NLGN2: variants seen among roughly 807,000 people sequenced by gnomAD.
NLGN2 encodes the protein neuroligin 2.
Under a neutral mutation model 48.6 loss-of-function variants are expected in NLGN2, and 11 were observed. The observed-to-expected ratio is 0.23, with a 90% CI of 0.14 to 0.37. The LOEUF (loss-of-function observed/expected upper bound fraction) is 0.37. NLGN2 is among the 10% of genes least tolerant of loss of function. The pLI is 1.00. For synonymous variants in NLGN2, 548 were observed against 550.0 expected, an observed-to-expected ratio of 1.00 and a Z score of 0.05; for missense variants, 801 against 1,225.2, an observed-to-expected ratio of 0.65 and a Z score of 5.17.
chr17:7,417,322 C>G lies in NLGN2; in HGVS notation c.2031C>G (p.Ser677Arg). Residue 677 changes from serine (S) to arginine (R), a missense_variant, in exon 7 of 7, where the codon AGC (serine) becomes AGG (arginine). Around this residue, in one of 5 missense-constraint regions of NLGN2, gnomAD observed 276 missense variants for 313.9 expected, o/e 0.88. Transcript: ENST00000302926. ...CACGGGACTACTCCACGGAGCTGAG[C>G]GTCACCGTGGCCGTGGGTGCCTCCC... The part of the protein sequence containing the change: ...GDSRDYSTEL[S>R]VTVAVGASLL... The G allele has an allele frequency of 6.2e-7, 1 of 1,610,542 alleles. No homozygotes were observed. Among genetic ancestry groups the G allele is most frequent in the Middle Eastern group, 1.7e-4 (1 of 6,056 alleles).
At chr17:7,406,308 T>C (rs1218773734), upstream of NLGN2, among the ~76,000 whole-genome samples, 14 of 138,270 alleles carry the variant, frequency 1.0e-4, no homozygotes, top group African/African-American at 3.9e-4. Flanking sequence ...GCGGAGCTGG[T>C]GGGAGGAGGC....
chr17:7,415,223 T>C, intron 5 of NLGN2, 75 bp downstream of exon 5: 1 of 1,405,622 alleles, frequency 7.1e-7, no homozygotes, highest in Non-Finnish European at 9.6e-7. Context: ...CCTGTGGGCA[T>C]ACCATTTGGC....
upstream of NLGN2, among the ~76,000 whole-genome samples, chr17:7,407,543 C>A (rs1322578699): frequency 1.3e-5 from 2 of 152,192 alleles, no homozygotes; most frequent in Non-Finnish European, 2.9e-5. Context: ...TATAAACAAA[C>A]CTGCCTCTTC....
At chr17:7,406,650 G>GGAC (rs1906652366), upstream of NLGN2, among the ~76,000 whole-genome samples, 1 of 134,448 alleles carries the variant, frequency 7.4e-6, no homozygotes, top group Non-Finnish European at 1.7e-5. Context: ...GCTGGTGGGG[G>GGAC]GGCGGGGGGG....
chr17:7,412,073 C>T (rs1906920854), intron 1 of NLGN2, 84 bp from the exon 2 acceptor site: 3 of 649,676 alleles, frequency 4.6e-6, no homozygotes, highest in African/African-American at 3.7e-5. Context: ...TCTCTCCTCC[C>T]CTCCCCATCC....
rs777462344 is a variant in NLGN2, at chr17:7,415,970, G to A, written c.1497G>A (p.Ala499=). 3.4e-5 allele frequency: 55 copies of A among 1,614,052 alleles called. 1 individual carries two copies. The highest frequency in any genetic ancestry group is 1.6e-4 in the Middle Eastern group (1 of 6,084). The change falls in exon 6 of 7, where the codon GCG becomes GCA. Residue 499 remains alanine (A), a synonymous_variant. Coordinates refer to ENST00000302926, the MANE Select transcript of NLGN2 (RefSeq NM_020795.4). ...GCCGGCCTGAGTGGGCAGATGCGGC[G>A]CACGGGGATGAACTGCCCTATGTCT... ...AEGRPEWADA[A]HGDELPYVFG...
Position 7,408,034 on chromosome 17 carries a change from C to T in NLGN2, c.-222C>T, listed in dbSNP as rs537596407. Reference sequence around the variant, plus strand: ...CAGGTCGGGCCTGCCTTCACCTTCTCCCATTTCCTTCCCCTTCCCCACCCC... The same window carrying T: ...CAGGTCGGGCCTGCCTTCACCTTCTTCCATTTCCTTCCCCTTCCCCACCCC... On this transcript the variant is annotated 5_prime_UTR_variant, in exon 1 of 7. Transcript: ENST00000302926. The surrounding 1 kb of genome is among the most constrained non-coding windows in gnomAD (Gnocchi z 7.5). 8.1e-6 allele frequency: 3 copies of T among 372,080 alleles called. No individual in the cohort carries two copies. The highest frequency in any genetic ancestry group is 2.1e-4 in the South Asian group (2 of 9,620). 23.0% of individuals were successfully genotyped at this position (372,080 alleles called of 1,614,324 possible). A position where few individuals can be genotyped will look rare whatever the true frequency, so the allele number is the denominator to read the frequency against.
At chr17:7,406,874 G>T (rs1331064338), upstream of NLGN2, among the ~76,000 whole-genome samples, 1 of 152,160 alleles carries the variant, frequency 6.6e-6, no homozygotes, top group Non-Finnish European at 1.5e-5. Context: ...AGATGAAAAG[G>T]TGGTGGGGTC....
chr17:7,417,220 C>T lies in NLGN2; in HGVS notation c.1929C>T (p.Pro643=), dbSNP rs748566777. 1.3e-6 allele frequency: 2 copies of T among 1,536,914 alleles called. No individual in the cohort carries two copies. Among genetic ancestry groups the T allele is most frequent in the Admixed American group, 2.0e-5 (1 of 49,186 alleles). The change falls in exon 7 of 7, where the codon CCC becomes CCT. Residue 643 remains proline, a synonymous_variant. Coordinates refer to ENST00000302926, the MANE Select transcript of NLGN2 (RefSeq NM_020795.4). ...CTGGCGCCCCGGGCACACGCCGGCC[C>T]CCGCCGCCTGCCACCCTGCCTCCCG... is the stretch of plus-strand genomic sequence containing the variant. The part of the protein sequence containing the change: ...PPAGAPGTRR[P]PPPATLPPEP...
In NLGN2 at chr17:7,415,917, A is replaced by G. The variant is rs1290401006; in HGVS notation, c.1444A>G (p.Thr482Ala). 3 of 1,613,084 alleles carry G rather than the reference A, an allele frequency of 1.9e-6. No individual in the cohort carries two copies. The highest frequency in any genetic ancestry group is 3.3e-5 in the Admixed American group (2 of 60,000). ...ADYQSPVYFY[T>A]FYHHCQAEGR... ...CTACCAGTCTCCCGTCTACTTTTAC[A>G]CCTTCTACCACCACTGCCAGGCGGA... The change falls in exon 6 of 7, where the codon ACC becomes GCC. Residue 482 changes from threonine (T) to alanine (A), a missense_variant. Coordinates refer to ENST00000302926, the MANE Select transcript of NLGN2 (RefSeq NM_020795.4).
chr17:7,415,388 G>T, intron 5 of NLGN2, 123 bp from the exon 6 acceptor site: 1 of 1,007,076 alleles, frequency 9.9e-7, no homozygotes, highest in Non-Finnish European at 1.5e-6. Flanking sequence ...ACCCACTGGA[G>T]GATTTCAAGT....
chr17:7,405,169 G>T, upstream of NLGN2: 1 of 151,158 alleles, frequency 6.6e-6, no homozygotes, highest in Non-Finnish European at 1.5e-5. The surrounding 1 kb of genome is among the most constrained non-coding windows in gnomAD (Gnocchi z 6.8). Flanking sequence ...CTGGATCCCT[G>T]CCCCTGCACC....
At position 7,417,577 on chromosome 17, in the gene NLGN2, C is replaced by CCCTG; in HGVS notation, c.2293_2296dup (p.Pro766LeufsTer233). The CCCTG allele has an allele frequency of 7.0e-7, 1 of 1,433,944 alleles. No individual in the cohort carries two copies. The highest frequency in any genetic ancestry group is 9.1e-7 in the Non-Finnish European group (1 of 1,101,658). 88.8% of individuals were successfully genotyped at this position (1,433,944 alleles called of 1,614,324 possible). On this transcript the variant is annotated frameshift_variant, in exon 7 of 7. Coordinates refer to ENST00000302926, the MANE Select transcript of NLGN2 (RefSeq NM_020795.4). LOFTEE classifies it high-confidence loss of function. ...GGGCGGACCCTGCCGAGGCTCTGCG[C>CCCTG]CCTGCCTGCCCGCCCGACTACACCC...
At position 7,408,602 on chromosome 17, in the gene NLGN2, C is replaced by T; in HGVS notation, c.347C>T (p.Ala116Val). The T allele has an allele frequency of 6.3e-7, 1 of 1,594,000 alleles. No individual in the cohort carries two copies. Among genetic ancestry groups the T allele is most frequent in the Non-Finnish European group, 8.5e-7 (1 of 1,171,556 alleles). The change falls in exon 1 of 7, where the codon GCC becomes GTC. Residue 116 changes from alanine to valine, a missense_variant. Physicochemically the swap from Ala to Val is moderately conservative, Grantham distance 64. Coordinates refer to ENST00000302926, the MANE Select transcript of NLGN2 (RefSeq NM_020795.4). This position sits in a 1 kb window ranked among gnomAD's most constrained non-coding sequence, Gnocchi z 7.5. ...CPQNLHGALP[A>V]IMLPVWFTDN... ...CAGAACCTGCACGGGGCGCTGCCCG[C>T]CATCATGCTGCCTGTGTGGTTCACC...
upstream of NLGN2, among the ~76,000 whole-genome samples, chr17:7,406,652 G>GT (rs1906652887): frequency 1.2e-4 from 15 of 129,176 alleles, no homozygotes; most frequent in South Asian, 5.9e-4. Context: ...TGGTGGGGGG[G>GT]CGGGGGGGGG....
chr17:7,413,352 G>A lies in NLGN2; in HGVS notation c.509-992G>A, dbSNP rs1597710948. On this transcript the variant is annotated intron_variant, in intron 2 of 6. Coordinates refer to ENST00000302926, the MANE Select transcript of NLGN2 (RefSeq NM_020795.4). The surrounding 1 kb of genome is among the most constrained non-coding windows in gnomAD (Gnocchi z 4.9). ...TGGGCAGAGATGCTGGGGACCAGCT[G>A]TGGAGGCCCAGGCCTGGCTTTGGTT... Among the ~76,000 whole-genome samples, 4 of 152,338 alleles carry A rather than the reference G, an allele frequency of 2.6e-5. No homozygotes were observed. In the Middle Eastern group the frequency reaches 0.014, roughly 518 times the overall value.
chr17:7,407,337 A>G (rs1023218625), upstream of NLGN2, among the ~76,000 whole-genome samples: 1 of 152,048 alleles, frequency 6.6e-6, no homozygotes, highest in African/African-American at 2.4e-5. Context: ...CCCCAGCCTC[A>G]AGGTACCCCA....
At position 7,408,977 on chromosome 17, in the gene NLGN2, C is replaced by A. The variant is rs997650034; in HGVS notation, c.457+265C>A. On this transcript the variant is annotated intron_variant, in intron 1 of 6. Coordinates refer to ENST00000302926, the MANE Select transcript of NLGN2 (RefSeq NM_020795.4). This position sits in a 1 kb window ranked among gnomAD's most constrained non-coding sequence, Gnocchi z 7.5. Reference sequence around the variant, plus strand: ...CATGGTAGGGATGGCAGGCACTGGACTAGGCTCACCCACTGTCTCCCCAAA... The same window carrying A: ...CATGGTAGGGATGGCAGGCACTGGAATAGGCTCACCCACTGTCTCCCCAAA... 8.5e-5 allele frequency among the ~76,000 whole-genome samples: 13 copies of A among 152,134 alleles called. No homozygotes were observed. Among genetic ancestry groups the A allele is most frequent in the African/African-American group, 3.1e-4 (13 of 41,400 alleles).
rs144724304 is a variant in NLGN2, at chr17:7,419,033, C to G, written c.*1234C>G. The G allele has an allele frequency of 1.3e-5, 2 of 152,372 alleles. No individual in the cohort carries two copies. The highest frequency in any genetic ancestry group is 2.4e-5 in the African/African-American group (1 of 41,452). The allele number at this position is 152,372 out of a possible 1,614,324, so 9.4% of individuals were successfully genotyped here. Reference sequence around the variant, plus strand: ...CCCCTTCTCCTCACCATGTCTCCCCCACCCTGCCTCAGTTCTCCGTTCCCC... The same window carrying G: ...CCCCTTCTCCTCACCATGTCTCCCCGACCCTGCCTCAGTTCTCCGTTCCCC... On this transcript the variant is annotated 3_prime_UTR_variant, in exon 7 of 7. Coordinates refer to ENST00000302926, the MANE Select transcript of NLGN2 (RefSeq NM_020795.4).
Sources: gnomAD v4.1 joint callset for allele counts (sites outside exome capture counted in the v4.1 genomes callset) on GRCh38, gnomAD v4.1.1 for gene constraint, gnomAD v4.1.1 regional missense constraint, Gnocchi (gnomAD v3.1) non-coding constraint, MANE v1.5 for transcripts, NCBI Gene and HGNC (gene_info 2026-07-23, HGNC 2026-07-21) for gene names.